The following SEMA3B variants were observed in gnomAD, a reference collection of about 807,000 sequenced individuals.
The protein encoded by SEMA3B is semaphorin-3B.
Under a neutral mutation model 77.8 loss-of-function variants are expected in SEMA3B, and 71 were observed. That is an observed-to-expected ratio of 0.91 (90% CI 0.75 to 1.11). The LOEUF (loss-of-function observed/expected upper bound fraction) is 1.11. Ranked by LOEUF, SEMA3B falls within the 50% of genes most tolerant of loss-of-function variation. The probability of loss-of-function intolerance (pLI) is 0.00; values close to 1 mark genes in which losing one functional copy is unlikely to be tolerated. For synonymous variants in SEMA3B, 470 were observed against 452.9 expected (o/e 1.04, Z -0.48); for missense variants, 968 against 1,056.8 (o/e 0.92, Z 1.17).
rs2109246389 is a variant in SEMA3B, at chr3:50,274,491, A to G, written c.1266A>G (p.Leu422=). 1 of 1,558,066 alleles carries G rather than the reference A, an allele frequency of 6.4e-7. No homozygotes were observed. Among genetic ancestry groups the G allele is most frequent in the African/African-American group, 1.4e-5 (1 of 72,788 alleles). Residue 422 remains leucine (L), a synonymous_variant, in exon 11 of 17, where the codon CTA becomes CTG. Coordinates refer to ENST00000616701, the MANE Select transcript of SEMA3B (RefSeq NM_001290060.2). This position sits in a 1 kb window ranked among gnomAD's most constrained non-coding sequence, Gnocchi z 4.7. The part of the protein sequence containing the change: ...VLPTGGRPLF[L]QVGANYTFTQ... Reference sequence around the variant, plus strand: ...CCACTGGGGGGCGCCCTCTTTTCCTACAAGTTGGAGCCAATTACACCTTCA... The same window carrying G: ...CCACTGGGGGGCGCCCTCTTTTCCTGCAAGTTGGAGCCAATTACACCTTCA...
rs971983233 is a variant in SEMA3B at position 50,276,460 on chromosome 3, C to T, written c.2004C>T (p.Ala668=). 4.6e-6 allele frequency: 7 copies of T among 1,533,274 alleles called. No individual in the cohort carries two copies. The highest frequency in any genetic ancestry group is 4.1e-5 in the African/African-American group (3 of 72,640). The allele number at this position is 1,533,274 out of a possible 1,614,324, so 95.0% of individuals were successfully genotyped here. The change falls in exon 17 of 17, where the codon GCC becomes GCT. Residue 668 remains alanine, a synonymous_variant. Coordinates refer to ENST00000616701, the MANE Select transcript of SEMA3B (RefSeq NM_001290060.2). This position sits in a 1 kb window ranked among gnomAD's most constrained non-coding sequence, Gnocchi z 5.8. ...LSLHVLSATQ[A]ERLARAEEAA... ...TGCACGTGTTGAGTGCTACGCAGGC[C>T]GAACGACTGGCGCGGGCCGAGGAGG...
chr3:50,276,210 C>A lies in SEMA3B; in HGVS notation c.1846-92C>A. 1 of 1,410,378 alleles carries A rather than the reference C, an allele frequency of 7.1e-7. No individual in the cohort carries two copies. Among genetic ancestry groups the A allele is most frequent in the South Asian group, 1.5e-5 (1 of 66,688 alleles). 87.4% of individuals were successfully genotyped at this position (1,410,378 alleles called of 1,614,324 possible). On this transcript the variant is annotated intron_variant, in intron 16 of 16. Transcript: ENST00000616701. The surrounding 1 kb of genome is among the most constrained non-coding windows in gnomAD (Gnocchi z 5.8). ...CCCTTTCCCGCTCCACCTCGGCTCC[C>A]AATGACTCTTTGCTTCTTCCGTCGC... is the stretch of plus-strand genomic sequence containing the variant.
chr3:50,272,855 A>AAATAATAATAATAACAAT (rs1701090828), intron 6 of SEMA3B, among the ~76,000 whole-genome samples: 1 of 145,576 alleles, frequency 6.9e-6, no homozygotes, highest in Non-Finnish European at 1.5e-5. Context: ...ATAAATAAAC[A>AAATAATAATAATAACAAT]AATAATAATA....
chr3:50,271,360 G>T lies in SEMA3B; in HGVS notation c.545-1G>T. The T allele has an allele frequency of 6.4e-7, 1 of 1,573,204 alleles. No individual in the cohort carries two copies. The highest frequency in any genetic ancestry group is 1.4e-5 in the African/African-American group (1 of 74,058). ...CTGAGTGGCCCTTGCTCTGTCTGCA[G>T]GGGAGGAGCTATACTCAGGGGTGGC... On this transcript the variant is annotated splice_acceptor_variant, in intron 5 of 16. Transcript: ENST00000616701. LOFTEE classifies it high-confidence loss of function.
At chr3:50,267,853 G>A (rs1378420902), upstream of SEMA3B, 1 of 152,358 alleles carries the variant, frequency 6.6e-6, no homozygotes, top group Non-Finnish European at 1.5e-5. The surrounding 1 kb of genome is among the most constrained non-coding windows in gnomAD (Gnocchi z 5.7). Flanking sequence ...TGGGTGGAGG[G>A]GCCTGGAACC....
chr3:50,269,375 G>T lies in SEMA3B; in HGVS notation c.109+26G>T. On this transcript the variant is annotated intron_variant, in intron 1 of 16. Transcript: ENST00000616701. This position sits in a 1 kb window ranked among gnomAD's most constrained non-coding sequence, Gnocchi z 4.0. ...GTAGGTGCACCTGGCAGGCGGGAGG[G>T]CCCAGCTTGAGGTGGGCAGGAAAGG... is the stretch of plus-strand genomic sequence containing the variant. 1 of 1,374,920 alleles carries T rather than the reference G, an allele frequency of 7.3e-7. No individual in the cohort carries two copies. 85.2% of individuals were successfully genotyped at this position (1,374,920 alleles called of 1,614,324 possible).
Position 50,274,187 on chromosome 3 carries a change from G to A in SEMA3B, c.1137+130G>A. ...GGGTGGGAAAACGTTTCCATCATAA[G>A]ACAAGGCTTGTTTCCCGCCTCTGAC... On this transcript the variant is annotated intron_variant, in intron 10 of 16. Transcript: ENST00000616701. The surrounding 1 kb of genome is among the most constrained non-coding windows in gnomAD (Gnocchi z 4.7). The A allele has an allele frequency of 6.9e-7, 1 of 1,445,554 alleles. No homozygotes were observed. 89.5% of individuals were successfully genotyped at this position (1,445,554 alleles called of 1,614,324 possible).
chr3:50,269,274 G>T lies in SEMA3B; in HGVS notation c.34G>T (p.Gly12Cys). 1 of 1,538,312 alleles carries T rather than the reference G, an allele frequency of 6.5e-7. No homozygotes were observed. The change falls in exon 1 of 17, where the codon GGC becomes TGC. Residue 12 changes from glycine (G) to cysteine (C), a missense_variant. Physicochemically the swap from Gly to Cys is radical, Grantham distance 159 (BLOSUM62 -3). Transcript: ENST00000616701. This position sits in a 1 kb window ranked among gnomAD's most constrained non-coding sequence, Gnocchi z 4.0. ...GGCCGGGGCTGCCGCCGTGATCCCG[G>T]GCCTGGCCCTGCTCTGGGCAGTGGG... ...GRAGAAAVIP[G>C]LALLWAVGLG...
At position 50,269,221 on chromosome 3, in the gene SEMA3B, G is replaced by A; in HGVS notation, c.-20G>A. The stretch of plus-strand genomic sequence containing the variant: ...TCCACACACACACCCGCTGAACCCT[G>A]AGCACCCTGAGCTGCTGAGATGGGG... On this transcript the variant is annotated 5_prime_UTR_variant, in exon 1 of 17. Transcript: ENST00000616701. The surrounding 1 kb of genome is among the most constrained non-coding windows in gnomAD (Gnocchi z 4.0). The A allele has an allele frequency of 2.6e-6, 4 of 1,516,340 alleles. No individual in the cohort carries two copies. The highest frequency in any genetic ancestry group is 1.7e-4 in the Middle Eastern group (1 of 5,940). 93.9% of individuals were successfully genotyped at this position (1,516,340 alleles called of 1,614,324 possible).
Position 50,276,280 on chromosome 3 carries a change from T to A in SEMA3B, c.1846-22T>A. The A allele has an allele frequency of 6.9e-7, 1 of 1,459,852 alleles. No individual in the cohort carries two copies. The highest frequency in any genetic ancestry group is 9.0e-7 in the Non-Finnish European group (1 of 1,109,812). The allele number at this position is 1,459,852 out of a possible 1,614,324, so 90.4% of individuals were successfully genotyped here. Reference sequence around the variant, plus strand: ...CTGTTCCCGGCCCGACACCCCCGCCTCACGCTGCCCTCTGCCCGCAGGTGC... The same window carrying A: ...CTGTTCCCGGCCCGACACCCCCGCCACACGCTGCCCTCTGCCCGCAGGTGC... On this transcript the variant is annotated intron_variant, in intron 16 of 16. Coordinates refer to ENST00000616701, the MANE Select transcript of SEMA3B (RefSeq NM_001290060.2). The surrounding 1 kb of genome is among the most constrained non-coding windows in gnomAD (Gnocchi z 5.8).
chr3:50,271,875 G>A (rs1429143540), intron 6 of SEMA3B, among the ~76,000 whole-genome samples: 1 of 152,010 alleles, frequency 6.6e-6, no homozygotes, highest in Non-Finnish European at 1.5e-5. Context: ...CAGGCAGAGG[G>A]AGCAACTAGT....
rs1553706823 is a variant in SEMA3B, at chr3:50,276,525, G to A, written c.2069G>A (p.Arg690Gln). The A allele has an allele frequency of 1.3e-6, 2 of 1,534,750 alleles. No individual in the cohort carries two copies. The highest frequency in any genetic ancestry group is 1.7e-6 in the Non-Finnish European group (2 of 1,145,384). ...CCGCCGGGCCCCAAACTCTGGTACC[G>A]GGACTTTCTGCAGCTGGTGGAGCCG... The part of the protein sequence containing the change: ...AAPPGPKLWY[R>Q]DFLQLVEPGG... Residue 690 changes from arginine (R) to glutamine (Q), a missense_variant, in exon 17 of 17, where the codon CGG becomes CAG. Transcript: ENST00000616701. The surrounding 1 kb of genome is among the most constrained non-coding windows in gnomAD (Gnocchi z 5.8).
chr3:50,271,493 T>C lies in SEMA3B; in HGVS notation c.664+13T>C. ...CGCTGGCTCAATGGTGAGAGGCTGG[T>C]GGGGTTGGTGGGTAGAGGTCGTCAC... is the stretch of plus-strand genomic sequence containing the variant. On this transcript the variant is annotated intron_variant, in intron 6 of 16. Transcript: ENST00000616701. 6.4e-7 allele frequency: 1 copy of C among 1,554,738 alleles called. No homozygotes were observed. The highest frequency in any genetic ancestry group is 8.7e-7 in the Non-Finnish European group (1 of 1,149,108).
chr3:50,266,355 T>C (rs1307505717), upstream of SEMA3B, among the ~76,000 whole-genome samples: 1 of 152,174 alleles, frequency 6.6e-6, no homozygotes, highest in East Asian at 1.9e-4. Flanking sequence ...TCCTTCCACT[T>C]GCCCTCCTGA....
upstream of SEMA3B, among the ~76,000 whole-genome samples, chr3:50,265,937 CAG>C (rs1700888559): frequency 6.6e-6 from 1 of 152,204 alleles, no homozygotes; most frequent in African/African-American, 2.4e-5. Flanking sequence ...GGACAGAGGA[CAG>C]GGCACAGCAC....
chr3:50,272,879 T>TAATAATAATAATAATAATAAAA (rs797032591), intron 6 of SEMA3B, among the ~76,000 whole-genome samples: 1 of 150,032 alleles, frequency 6.7e-6, no homozygotes, highest in East Asian at 2.0e-4. Flanking sequence ...ATAATAATAA[T>TAATAATAATAATAATAATAAAA]AAAGAGCAAT....
Position 50,274,592 on chromosome 3 carries a change from C to A in SEMA3B, c.1357+10C>A. On this transcript the variant is annotated intron_variant, in intron 11 of 16. Transcript: ENST00000616701. The surrounding 1 kb of genome is among the most constrained non-coding windows in gnomAD (Gnocchi z 4.7). ...CTCTTCATTGGCACAGGTCAGGGTC[C>A]CTCCACAGCGACCCCCAGGCTCCCA... 1 of 1,520,910 alleles carries A rather than the reference C, an allele frequency of 6.6e-7. No homozygotes were observed. The highest frequency in any genetic ancestry group is 1.3e-5 in the South Asian group (1 of 75,862). The allele number at this position is 1,520,910 out of a possible 1,614,324, so 94.2% of individuals were successfully genotyped here.
chr3:50,265,553 C>G (rs1337522708), upstream of SEMA3B, among the ~76,000 whole-genome samples: 1 of 152,240 alleles, frequency 6.6e-6, no homozygotes, highest in Admixed American at 6.5e-5. Context: ...GGCCATGCCA[C>G]TGACAGGCAG....
the SEMA3B span, chr3:50,261,728 ATGGCT>A: frequency 6.6e-6 from 1 of 152,344 alleles, no homozygotes; most frequent in Non-Finnish European, 1.5e-5. Context: ...AGGGAGCCCC[ATGGCT>A]TCTGATGTCA....
Sources: allele counts gnomAD v4.1 joint callset (sites outside exome capture counted in the v4.1 genomes callset), GRCh38; gene constraint gnomAD v4.1.1; non-coding constraint Gnocchi (gnomAD v3.1); transcripts MANE v1.5; gene names NCBI Gene and HGNC (gene_info 2026-07-23, HGNC 2026-07-21).